Variants in SYMPK observed in about 807,000 individuals in gnomAD.
The protein encoded by SYMPK is symplekin.
SYMPK carries 49 observed loss-of-function variants against 136.4 expected under a neutral mutation model. The ratio of observed to expected loss-of-function variants is 0.36; its 90% CI spans 0.29 to 0.46. The LOEUF (loss-of-function observed/expected upper bound fraction) is 0.46. Among genes scored for constraint, SYMPK ranks in the 20% least tolerant of loss-of-function variants. The pLI, the probability that SYMPK is intolerant of heterozygous loss-of-function variation, is 1.00. For synonymous variants in SYMPK, 766 were observed against 713.0 expected, an observed-to-expected ratio of 1.07 and a Z score of -1.19; for missense variants, 1,365 against 1,690.0, an observed-to-expected ratio of 0.81 and a Z score of 3.37.
chr19:45,819,728 CTT>C (rs1197543330), intron 22 of SYMPK: 1 of 152,556 alleles, frequency 6.6e-6, no homozygotes, highest in African/African-American at 2.4e-5. Context: ...GAGGTGCTGA[CTT>C]TTCTTAATGC....
rs374884526 is a variant in SYMPK at position 45,854,215 on chromosome 19, G to A, written c.131C>T (p.Ala44Val). Residue 44 changes from alanine to valine, a missense_variant, in exon 3 of 27, where the codon GCG (alanine) becomes GTG (valine). By Grantham distance (64) the Ala-to-Val change is moderately conservative (BLOSUM62 0). Coordinates refer to ENST00000245934, the MANE Select transcript of SYMPK (RefSeq NM_004819.3). ...GATCTTTGAGTCATTGGTGATCAGC[G>A]CCGCCTGGTTCAGAAGATCCACCAC... is the stretch of plus-strand genomic sequence containing the variant. ...ERVVDLLNQAALITNDSKITV... is the reference protein window; with the variant it reads ...ERVVDLLNQAVLITNDSKITV... 12 of 1,614,102 alleles carry A rather than the reference G, an allele frequency of 7.4e-6. No individual in the cohort carries two copies. The highest frequency in any genetic ancestry group is 4.4e-5 in the South Asian group (4 of 91,072).
At chr19:45,831,295 GCA>G in intron 12 of SYMPK, 87 bp downstream of exon 12, 1 of 680,652 alleles carries the variant, frequency 1.5e-6, no homozygotes, top group Non-Finnish European at 2.2e-6. Context: ...ACACACACAC[GCA>G]CACGCACACG....
intron 9 of SYMPK, among the ~76,000 whole-genome samples, chr19:45,838,995 T>C (rs1971372426): frequency 6.6e-6 from 1 of 152,246 alleles, no homozygotes; most frequent in Non-Finnish European, 1.5e-5. Flanking sequence ...CAAGTGATTC[T>C]CCTGCCTCAG....
intron 21 of SYMPK, among the ~76,000 whole-genome samples, chr19:45,822,470 C>T (rs1282712001): frequency 2.6e-5 from 4 of 152,132 alleles, no homozygotes; most frequent in Admixed American, 1.3e-4. Flanking sequence ...AGACTGGAGC[C>T]GGGCCTGAGA....
At chr19:45,846,055 T>C (rs1971552003) in intron 7 of SYMPK, among the ~76,000 whole-genome samples, 1 of 152,062 alleles carries the variant, frequency 6.6e-6, no homozygotes, top group Non-Finnish European at 1.5e-5. Context: ...GCTAACACAG[T>C]GAAACCCTGT....
chr19:45,821,588 GT>G lies in SYMPK; in HGVS notation c.2792-104del, dbSNP rs1294433509. ...CGGGGGAGCTGCGAGCAAAGATGAG[GT>G]GCCCTCTGCTTTCAGGGCTGGAACA... is the stretch of plus-strand genomic sequence containing the variant. On this transcript the variant is annotated intron_variant, in intron 21 of 26. Transcript: ENST00000245934. This position sits in a 1 kb window ranked among gnomAD's most constrained non-coding sequence, Gnocchi z 4.4. 1.3e-6 allele frequency: 1 copy of G among 748,000 alleles called. No homozygotes were observed. The highest frequency in any genetic ancestry group is 2.6e-5 in the Admixed American group (1 of 38,462). The allele number at this position is 748,000 out of a possible 1,614,324, so 46.3% of individuals were successfully genotyped here.
At chr19:45,824,344 A>G (rs1207208883) in intron 18 of SYMPK, among the ~76,000 whole-genome samples, 3 of 152,166 alleles carry the variant, frequency 2.0e-5, no homozygotes, top group Non-Finnish European at 4.4e-5. Context: ...ACCTCTGCCC[A>G]GTAACGTTTA....
At chr19:45,827,649 G>A in intron 15 of SYMPK, 26 bp from the exon 16 acceptor site, 8 of 1,599,390 alleles carry the variant, frequency 5.0e-6, no homozygotes, top group Non-Finnish European at 6.9e-6. Flanking sequence ...AGGGACCCGA[G>A]CTCAGCCCAC....
rs199576296 is a variant in SYMPK at position 45,821,414 on chromosome 19, C to T, written c.2863G>A (p.Val955Met). 2.5e-5 allele frequency: 41 copies of T among 1,613,868 alleles called. No individual in the cohort carries two copies. The highest frequency in any genetic ancestry group is 4.5e-5 in the East Asian group (2 of 44,888). Residue 955 changes from valine to methionine, a missense_variant, in exon 22 of 27, where the codon GTG becomes ATG. This residue lies in a region of SYMPK where 156 missense variants were observed against 217.8 expected (regional missense o/e 0.72). Transcript: ENST00000245934. The surrounding 1 kb of genome is among the most constrained non-coding windows in gnomAD (Gnocchi z 4.4). ...LLIALHNIDS[V>M]KCDMKSIIKA... ...ATGATGGATTTCATGTCGCACTTCA[C>T]GGAGTCAATGTTGTGTAATGCGATC...
At position 45,815,415 on chromosome 19, in the gene SYMPK, G is replaced by T; in HGVS notation, c.*145C>A. On this transcript the variant is annotated 3_prime_UTR_variant, in exon 27 of 27. Coordinates refer to ENST00000245934, the MANE Select transcript of SYMPK (RefSeq NM_004819.3). ...GAGACGGCACCCGCGCCCCAGGCCCGCCATCCCTTTTTTTTTTTCTTTTCA... is the reference window on the plus strand; with the variant it reads ...GAGACGGCACCCGCGCCCCAGGCCCTCCATCCCTTTTTTTTTTTCTTTTCA... The T allele has an allele frequency of 1.0e-6, 1 of 970,528 alleles. No homozygotes were observed. Among genetic ancestry groups the T allele is most frequent in the Non-Finnish European group, 1.4e-6 (1 of 718,888 alleles). The allele number at this position is 970,528 out of a possible 1,614,324, so 60.1% of individuals were successfully genotyped here.
Position 45,829,149 on chromosome 19 carries a change from C to T in SYMPK, c.1806G>A (p.Ala602=), listed in dbSNP as rs143732577. 96 of 1,614,170 alleles carry T rather than the reference C, an allele frequency of 5.9e-5. No homozygotes were observed. The highest frequency in any genetic ancestry group is 2.4e-4 in the African/African-American group (18 of 75,038). The change falls in exon 14 of 27, where the codon GCG becomes GCA. Residue 602 remains alanine (A), a synonymous_variant. Transcript: ENST00000245934. ...LVTQFNSGLK[A]EVLSFILEDV... ...CCTCCAGGATGAAGGACAGGACCTC[C>T]GCCTTCAGGCCCGAGTTGAACTGTG...
intron 11 of SYMPK, among the ~76,000 whole-genome samples, chr19:45,834,713 G>C (rs1971263492): frequency 6.6e-6 from 1 of 152,160 alleles, no homozygotes; most frequent in Non-Finnish European, 1.5e-5. Flanking sequence ...TGTTCACTTT[G>C]TGAAAATTCA....
intron 5 of SYMPK, among the ~76,000 whole-genome samples, chr19:45,849,421 T>C (rs1971645688): frequency 1.3e-5 from 2 of 152,158 alleles, no homozygotes; most frequent in Non-Finnish European, 2.9e-5. Context: ...AGGGTCATTT[T>C]CATTGAAGAA....
rs1430147965 is a variant in SYMPK at position 45,818,290 on chromosome 19, C to G, written c.2894-144G>C. On this transcript the variant is annotated intron_variant, in intron 22 of 26. Transcript: ENST00000245934. ...AAGCCCCTGCGGGAGAGAGGAGACT[C>G]CCCCGACCCAGCAGAAGGCACACTG... 3 of 801,952 alleles carry G rather than the reference C, an allele frequency of 3.7e-6. No homozygotes were observed. In the Admixed American group the frequency reaches 9.8e-5, roughly 26 times the overall value. 49.7% of individuals were successfully genotyped at this position (801,952 alleles called of 1,614,324 possible).
intron 10 of SYMPK, among the ~76,000 whole-genome samples, chr19:45,836,950 T>TA (rs1453932707): frequency 6.6e-6 from 1 of 152,130 alleles, no homozygotes; most frequent in Non-Finnish European, 1.5e-5. Context: ...GGAATACAGC[T>TA]AAAATAGTAC....
At chr19:45,827,662 G>T in intron 15 of SYMPK, 39 bp from the exon 16 acceptor site, 1 of 1,576,788 alleles carries the variant, frequency 6.3e-7, no homozygotes, top group South Asian at 1.1e-5. Context: ...CAGCCCACCT[G>T]AGTGTGCCTC....
chr19:45,831,282 T>TACACACACACAC, intron 12 of SYMPK, 102 bp downstream of exon 12: 1 of 674,724 alleles, frequency 1.5e-6, no homozygotes, highest in Non-Finnish European at 2.2e-6. Context: ...GCATCTCAGT[T>TACACACACACAC]ACACACACAC....
chr19:45,825,640 C>A lies in SYMPK; in HGVS notation c.2330-309G>T, dbSNP rs915832475. The stretch of plus-strand genomic sequence containing the variant: ...CTCAGAATAAACCCCCAGCTCCCTG[C>A]CTCACACTGTCTGCCAGGTGTTGTA... On this transcript the variant is annotated intron_variant, in intron 17 of 26. Transcript: ENST00000245934. 2.0e-5 allele frequency among the ~76,000 whole-genome samples: 3 copies of A among 152,238 alleles called. No individual in the cohort carries two copies. The South Asian group carries it at 6.2e-4, about 31-fold the overall frequency.
chr19:45,826,472 A>G, intron 16 of SYMPK, 99 bp from the exon 17 acceptor site: 1 of 1,314,218 alleles, frequency 7.6e-7, no homozygotes, highest in Middle Eastern at 1.8e-4. Flanking sequence ...AACAAGCCCG[A>G]GGCTGAGAAG....
Sources: allele counts gnomAD v4.1 joint callset (sites outside exome capture counted in the v4.1 genomes callset), GRCh38; gene constraint gnomAD v4.1.1; regional missense constraint gnomAD v4.1.1; non-coding constraint Gnocchi (gnomAD v3.1); transcripts MANE v1.5; gene names NCBI Gene and HGNC (gene_info 2026-07-23, HGNC 2026-07-21).